The following PHF20L1 variants were observed in gnomAD, a reference collection of about 807,000 sequenced individuals.
PHF20L1 encodes the protein PHD finger protein 20-like protein 1.
A neutral mutation model predicts 125.5 loss-of-function variants in PHF20L1; 44 were observed. That is an observed-to-expected ratio of 0.35 (90% CI 0.28 to 0.45). PHF20L1 has a LOEUF of 0.45. Ranked by LOEUF, PHF20L1 falls within the 20% of genes least tolerant of loss-of-function variation. PHF20L1 has a pLI of 1.00. For missense variants in PHF20L1, 1,012 were observed against 1,217.2 expected (o/e 0.83, Z 2.51); for synonymous variants, 380 against 403.1 (o/e 0.94, Z 0.69).
At chr8:132,810,137 T>C (rs1191467571) in intron 8 of PHF20L1, 1 of 151,512 alleles carries the variant, frequency 6.6e-6, no homozygotes, top group Non-Finnish European at 1.5e-5. Context: ...TTCTGCCTCC[T>C]GGGTCTAAGT....
At chr8:132,798,011 T>C (rs2131497915) in intron 4 of PHF20L1, among the ~76,000 whole-genome samples, 1 of 152,196 alleles carries the variant, frequency 6.6e-6, no homozygotes, top group Admixed American at 6.6e-5. Context: ...CTGGCTTATA[T>C]TGACTTGAAA....
chr8:132,841,146 T>C (rs371426854), intron 18 of PHF20L1, among the ~76,000 whole-genome samples: 6 of 152,250 alleles, frequency 3.9e-5, no homozygotes, highest in African/African-American at 9.6e-5. Context: ...CATATACTTA[T>C]AGGCCCTCTT....
chr8:132,830,512 C>G (rs1433267695), intron 14 of PHF20L1, among the ~76,000 whole-genome samples: 1 of 152,010 alleles, frequency 6.6e-6, no homozygotes, highest in African/African-American at 2.4e-5. Context: ...GCTCACTTTT[C>G]CACTCTCTGT....
chr8:132,807,730 C>T (rs752850933), intron 8 of PHF20L1: 2 of 455,696 alleles, frequency 4.4e-6, no homozygotes, highest in South Asian at 3.1e-5. Context: ...CAGGAAGAGA[C>T]CAGCTGTGTA....
chr8:132,837,842 G>A (rs368555170), intron 17 of PHF20L1, 31 bp downstream of exon 17: 2 of 1,479,838 alleles, frequency 1.4e-6, no homozygotes, highest in Non-Finnish European at 9.4e-7. Context: ...CTGATTGCCA[G>A]GATGCCTCTA....
rs1835061975 is a variant in PHF20L1 at position 132,817,036 on chromosome 8, C to T, written c.1332C>T (p.Ser444=). ...CAGCCACTGATGGGAAAGTATTCTC[C>T]ATCAGTTCTCAAAATCAGCAAGAAT... ...PSPATDGKVF[S]ISSQNQQESS... is the part of the protein sequence containing the mutation. Residue 444 remains serine (S), a synonymous_variant, in exon 11 of 21, where the codon TCC becomes TCT. Coordinates refer to ENST00000395386, the MANE Select transcript of PHF20L1 (RefSeq NM_016018.5). 17 of 1,598,764 alleles carry T rather than the reference C, an allele frequency of 1.1e-5. No homozygotes were observed. The highest frequency in any genetic ancestry group is 8.5e-6 in the Non-Finnish European group (10 of 1,173,114).
chr8:132,822,179 A>G (rs981155835), intron 12 of PHF20L1, among the ~76,000 whole-genome samples: 4 of 151,980 alleles, frequency 2.6e-5, no homozygotes, highest in Admixed American at 6.6e-5. Flanking sequence ...CACTAGAACA[A>G]GTAAAAACAG....
chr8:132,818,919 G>A (rs951806479), intron 12 of PHF20L1: 1 of 151,804 alleles, frequency 6.6e-6, no homozygotes, highest in Non-Finnish European at 1.5e-5. Flanking sequence ...TTCTTTAAAA[G>A]TATTCTAATA....
At chr8:132,797,652 T>C (rs1832562264) in intron 4 of PHF20L1, among the ~76,000 whole-genome samples, 1 of 152,060 alleles carries the variant, frequency 6.6e-6, no homozygotes, top group African/African-American at 2.4e-5. Flanking sequence ...GCTATTCGCC[T>C]GATCAGTTGT....
At chr8:132,811,913 TAAAG>T in intron 9 of PHF20L1, 1 of 977,110 alleles carries the variant, frequency 1.0e-6, no homozygotes, top group Non-Finnish European at 1.2e-6. Context: ...AGTAGCCTAA[TAAAG>T]AAGACTTTGA....
At chr8:132,833,944 AGCAAGTTCCC>A (rs1416476755) in intron 15 of PHF20L1, among the ~76,000 whole-genome samples, 1 of 152,106 alleles carries the variant, frequency 6.6e-6, no homozygotes, top group Admixed American at 6.5e-5. Flanking sequence ...TCTGAGTTCC[AGCAAGTTCCC>A]CGGTGATGAT....
intron 2 of PHF20L1, among the ~76,000 whole-genome samples, chr8:132,791,715 G>C (rs1831730866): frequency 1.3e-5 from 2 of 152,150 alleles, no homozygotes; most frequent in African/African-American, 2.4e-5. Flanking sequence ...TAGTGAACAT[G>C]ATAAAAATTA....
At chr8:132,819,618 G>GCTT (rs776403763) in intron 12 of PHF20L1, among the ~76,000 whole-genome samples, 2 of 151,502 alleles carry the variant, frequency 1.3e-5, no homozygotes, top group Non-Finnish European at 3.0e-5. Flanking sequence ...TATTTGTTAT[G>GCTT]CTTCTGTCTG....
chr8:132,834,104 G>A (rs1193251545), intron 15 of PHF20L1, among the ~76,000 whole-genome samples: 5 of 152,098 alleles, frequency 3.3e-5, no homozygotes, highest in African/African-American at 4.8e-5. Context: ...GGCTATTCAA[G>A]CGTAAGGGGG....
intron 6 of PHF20L1, 195 bp downstream of exon 6, chr8:132,799,367 T>G: frequency 2.3e-6 from 1 of 441,360 alleles, no homozygotes; most frequent in East Asian, 3.4e-5. Flanking sequence ...TAGGGCTCTC[T>G]GAGTCATGTG....
At chr8:132,818,475 G>A (rs927731135) in intron 12 of PHF20L1, 1 of 151,694 alleles carries the variant, frequency 6.6e-6, no homozygotes, top group Non-Finnish European at 1.5e-5. Flanking sequence ...TCTGGTGATG[G>A]CATGTATTGA....
Position 132,832,329 on chromosome 8 carries a change from C to G in PHF20L1, c.1839C>G (p.Ser613Arg), listed in dbSNP as rs1388662884. Residue 613 changes from serine to arginine, a missense_variant, in exon 15 of 21, where the codon AGC (serine) becomes AGG (arginine). Around this residue, in one of 7 missense-constraint regions of PHF20L1, gnomAD observed 320 missense variants for 293.8 expected, o/e 1.09. Coordinates refer to ENST00000395386, the MANE Select transcript of PHF20L1 (RefSeq NM_016018.5). ...RSSGSSLASR[S>R]MFTEKTTTYQ... ...CTGGGAGTTCTCTGGCTTCACGAAG[C>G]ATGTTTACGGAGAAAACTACAACCT... 2 of 1,611,302 alleles carry G rather than the reference C, an allele frequency of 1.2e-6. No homozygotes were observed. The highest frequency in any genetic ancestry group is 3.3e-5 in the Admixed American group (2 of 59,874).
intron 14 of PHF20L1, among the ~76,000 whole-genome samples, chr8:132,828,256 T>C (rs1465183023): frequency 6.6e-6 from 1 of 151,966 alleles, no homozygotes; most frequent in Non-Finnish European, 1.5e-5. Flanking sequence ...TTTATAAATA[T>C]TATTACTTCA....
chr8:132,794,947 T>C, intron 4 of PHF20L1, 130 bp downstream of exon 4: 1 of 621,140 alleles, frequency 1.6e-6, no homozygotes, highest in Non-Finnish European at 2.8e-6. Context: ...AGTATTCTTT[T>C]TCGGGAGCAT....
Sources: allele counts gnomAD v4.1 joint callset (sites outside exome capture counted in the v4.1 genomes callset), GRCh38; gene constraint gnomAD v4.1.1; regional missense constraint gnomAD v4.1.1; transcripts MANE v1.5; gene names NCBI Gene and HGNC (gene_info 2026-07-23, HGNC 2026-07-21).